The following TMEM132D variants were observed in gnomAD, a reference collection of about 807,000 sequenced individuals.
TMEM132D encodes mature OL transmembrane protein.
A neutral mutation model predicts 62.3 loss-of-function variants in TMEM132D; 21 were observed. The ratio of observed to expected loss-of-function variants is 0.34; its 90% CI spans 0.24 to 0.49. The LOEUF (loss-of-function observed/expected upper bound fraction) is 0.49, where lower values mean the gene tolerates loss of function less well. TMEM132D is among the 20% of genes least tolerant of loss of function. The probability of loss-of-function intolerance (pLI) is 0.99; values close to 1 mark genes in which losing one functional copy is unlikely to be tolerated. For synonymous variants in TMEM132D, 621 were observed against 575.6 expected (o/e 1.08, Z -1.13); for missense variants, 1,346 against 1,402.8 (o/e 0.96, Z 0.65).
intron 3 of TMEM132D, among the ~76,000 whole-genome samples, chr12:129,414,366 T>C (rs1872054515): frequency 6.6e-6 from 1 of 152,228 alleles, no homozygotes; most frequent in Non-Finnish European, 1.5e-5. Flanking sequence ...TATGTGATAG[T>C]CATTTTTTAA....
In TMEM132D at chr12:129,412,946, C is replaced by T. The variant is rs140717650; in HGVS notation, c.1116-75129G>A. Reference sequence around the variant, plus strand: ...GCCAACCTCCAATGACATTGAGGAACTCATGTGCCCGTTCTGAGCAGTCCT... The same window carrying T: ...GCCAACCTCCAATGACATTGAGGAATTCATGTGCCCGTTCTGAGCAGTCCT... On this transcript the variant is annotated intron_variant, in intron 3 of 8. Coordinates refer to ENST00000422113, the MANE Select transcript of TMEM132D (RefSeq NM_133448.3). Among the ~76,000 whole-genome samples the T allele has an allele frequency of 4.7e-4, 71 of 152,286 alleles. 1 individual carries two copies. The East Asian group carries it at 0.013, about 28-fold the overall frequency.
At chr12:129,859,426 C>G (rs1873821001) in intron 1 of TMEM132D, among the ~76,000 whole-genome samples, 1 of 152,164 alleles carries the variant, frequency 6.6e-6, no homozygotes, top group South Asian at 2.1e-4. Context: ...GAATTAATTG[C>G]CAATATTTTA....
At chr12:129,752,277 C>T (rs1004616095) in intron 1 of TMEM132D, among the ~76,000 whole-genome samples, 6 of 152,214 alleles carry the variant, frequency 3.9e-5, no homozygotes, top group African/African-American at 1.4e-4. Flanking sequence ...ATAGCATTAT[C>T]GGAATATAAC....
At chr12:129,537,830 G>A (rs1200952859) in intron 2 of TMEM132D, among the ~76,000 whole-genome samples, 1 of 152,224 alleles carries the variant, frequency 6.6e-6, no homozygotes, top group African/African-American at 2.4e-5. Flanking sequence ...GAGGGAAAAT[G>A]ATGAGAACAG....
chr12:129,275,468 A>C (rs1436511905), intron 4 of TMEM132D, among the ~76,000 whole-genome samples: 1 of 152,194 alleles, frequency 6.6e-6, no homozygotes, highest in Non-Finnish European at 1.5e-5. Flanking sequence ...TCTCTAGTAG[A>C]GACATATTTC....
intron 4 of TMEM132D, among the ~76,000 whole-genome samples, chr12:129,261,766 G>A (rs59721479): frequency 0.021 from 3,139 of 152,110 alleles, 110 homozygotes; most frequent in African/African-American, 0.069. Flanking sequence ...CTCTGCTTAC[G>A]AGGACACCAA....
chr12:129,882,154 A>T (rs1306351763), intron 1 of TMEM132D, among the ~76,000 whole-genome samples: 1 of 152,114 alleles, frequency 6.6e-6, no homozygotes, highest in Non-Finnish European at 1.5e-5. Context: ...TGAAAAAAAA[A>T]TTCAGACCCA....
At chr12:129,728,368 G>C (rs1165415735) in intron 1 of TMEM132D, among the ~76,000 whole-genome samples, 2 of 152,126 alleles carry the variant, frequency 1.3e-5, no homozygotes, top group African/African-American at 4.8e-5. Context: ...TTGCTTCTGA[G>C]TGAGAACAGC....
intron 2 of TMEM132D, among the ~76,000 whole-genome samples, chr12:129,565,586 G>A (rs1173748027): frequency 2.0e-5 from 3 of 152,140 alleles, no homozygotes; most frequent in East Asian, 1.9e-4. Context: ...GAGAGGAGGG[G>A]GTCATTCAAT....
intron 4 of TMEM132D, among the ~76,000 whole-genome samples, chr12:129,314,168 T>G (rs1372791380): frequency 1.3e-5 from 2 of 152,134 alleles, no homozygotes; most frequent in Non-Finnish European, 2.9e-5. Context: ...GCTTTTGGAT[T>G]CTTAGTCATG....
chr12:129,817,615 T>G, intron 1 of TMEM132D, among the ~76,000 whole-genome samples: 1 of 130,764 alleles, frequency 7.6e-6, no homozygotes, highest in Non-Finnish European at 1.6e-5. Flanking sequence ...GTGTGTAGTA[T>G]GGGGTGTGCC....
chr12:129,675,643 A>G lies in TMEM132D; in HGVS notation c.968+24167T>C, dbSNP rs564702878. Among the ~76,000 whole-genome samples the G allele has an allele frequency of 4.6e-5, 7 of 152,310 alleles. No homozygotes were observed. The East Asian group carries it at 9.6e-4, about 21-fold the overall frequency. On this transcript the variant is annotated intron_variant, in intron 2 of 8. Coordinates refer to ENST00000422113, the MANE Select transcript of TMEM132D (RefSeq NM_133448.3). ...AGTTTCCTCAGGGCAATGATTTCCA[A>G]TGAGGATGGTGTGGCCCCAGGGGAC...
At chr12:129,843,650 T>TA (rs1873269467) in intron 1 of TMEM132D, among the ~76,000 whole-genome samples, 1 of 152,156 alleles carries the variant, frequency 6.6e-6, no homozygotes, top group South Asian at 2.1e-4. Context: ...TTCACAGTAT[T>TA]AGAGTCTATA....
chr12:129,746,262 G>C (rs937777107), intron 1 of TMEM132D, among the ~76,000 whole-genome samples: 5 of 152,216 alleles, frequency 3.3e-5, no homozygotes, highest in Non-Finnish European at 7.3e-5. Flanking sequence ...TAAAGAGTCT[G>C]TGTCTCATCT....
At chr12:129,527,792 A>G (rs7956273) in intron 3 of TMEM132D, among the ~76,000 whole-genome samples, 101,360 of 151,732 alleles carry the variant, frequency 0.67, 34,323 homozygotes, top group African/African-American at 0.78. Context: ...GCAACGCTTA[A>G]TCAAAACAGA....
At chr12:129,680,953 G>A (rs1054635022) in intron 2 of TMEM132D, among the ~76,000 whole-genome samples, 1 of 152,202 alleles carries the variant, frequency 6.6e-6, no homozygotes, top group Non-Finnish European at 1.5e-5. Flanking sequence ...TGGCATGAGA[G>A]AGGAGAGAAT....
At chr12:129,823,501 G>C (rs1872588071) in intron 1 of TMEM132D, among the ~76,000 whole-genome samples, 1 of 152,228 alleles carries the variant, frequency 6.6e-6, no homozygotes, top group South Asian at 2.1e-4. Context: ...ACCAGCCAAG[G>C]GCCAGCCTTG....
chr12:129,177,347 G>T (rs758096123), intron 5 of TMEM132D, among the ~76,000 whole-genome samples: 1 of 152,138 alleles, frequency 6.6e-6, no homozygotes, highest in South Asian at 2.1e-4. Flanking sequence ...TCTACAGAGG[G>T]CAGGGAGACA....
chr12:129,771,689 A>G (rs929998182), intron 1 of TMEM132D, among the ~76,000 whole-genome samples: 1 of 152,234 alleles, frequency 6.6e-6, no homozygotes, highest in Non-Finnish European at 1.5e-5. Context: ...TGCACTTGGC[A>G]TCTGACAGCC....
Sources: allele counts gnomAD v4.1 joint callset (sites outside exome capture counted in the v4.1 genomes callset), GRCh38; gene constraint gnomAD v4.1.1; transcripts MANE v1.5; gene names NCBI Gene and HGNC (gene_info 2026-07-23, HGNC 2026-07-21).